The following IRAG1 variants were observed in gnomAD, a reference collection of about 807,000 sequenced individuals.
IRAG1 encodes the protein inositol 1,4,5-triphosphate receptor associated 1.
In IRAG1, 62 loss-of-function variants were observed where a neutral mutation model predicts 106.2. That is an observed-to-expected ratio of 0.58 (90% CI 0.48 to 0.72). The LOEUF (loss-of-function observed/expected upper bound fraction) is 0.72, where lower values mean the gene tolerates loss of function less well. Ranked by LOEUF, IRAG1 falls within the 30% of genes least tolerant of loss-of-function variation. IRAG1 has a pLI of 0.00. For missense variants in IRAG1, 1,064 were observed against 1,140.7 expected (o/e 0.93, Z 0.97); for synonymous variants, 462 against 443.9 (o/e 1.04, Z -0.51).
intron 18 of IRAG1, among the ~76,000 whole-genome samples, chr11:10,583,899 A>T (rs1016677659): frequency 2.0e-5 from 3 of 152,242 alleles, no homozygotes; most frequent in Non-Finnish European, 4.4e-5. Context: ...AGGCAAGGTC[A>T]TCTGCTGAGA....
chr11:10,651,884 A>T, intron 2 of IRAG1, 141 bp downstream of exon 2: 1 of 1,019,814 alleles, frequency 9.8e-7, no homozygotes, highest in African/African-American at 1.6e-5. Context: ...TATGGAAGCC[A>T]CACACCTTCT....
intron 1 of IRAG1, among the ~76,000 whole-genome samples, chr11:10,674,934 C>A (rs1473897426): frequency 2.6e-5 from 4 of 152,228 alleles, no homozygotes; most frequent in African/African-American, 9.7e-5. Flanking sequence ...GGGGGTTCAT[C>A]CCCTCATATG....
intron 16 of IRAG1, 197 bp from the exon 17 acceptor site, chr11:10,593,796 A>G: frequency 1.7e-6 from 1 of 586,390 alleles, no homozygotes; most frequent in East Asian, 2.9e-5. Flanking sequence ...TTGGTGAGTG[A>G]ACGCTCAATC....
At chr11:10,578,358 A>C (rs1167996107) in intron 20 of IRAG1, among the ~76,000 whole-genome samples, 1 of 152,244 alleles carries the variant, frequency 6.6e-6, no homozygotes, top group Non-Finnish European at 1.5e-5. Context: ...TCAATGTCAG[A>C]AGACTGTGCT....
intron 2 of IRAG1, among the ~76,000 whole-genome samples, chr11:10,646,204 G>A (rs904524499): frequency 7.2e-5 from 11 of 152,222 alleles, no homozygotes; most frequent in Admixed American, 2.0e-4. Context: ...GACTGAGGGT[G>A]TAAGCCAGGA....
In IRAG1 at chr11:10,676,813, G is replaced by A. The variant is rs578125093; in HGVS notation, c.67+16723C>T. On this transcript the variant is annotated intron_variant, in intron 1 of 20. Transcript: ENST00000423302. ...CTAATTTGAATCCGTTTCTATTCTA[G>A]GCAAACCAGAATCCTGGCAAATGCC... 8.5e-5 allele frequency among the ~76,000 whole-genome samples: 13 copies of A among 152,348 alleles called. No individual in the cohort carries two copies. In the Middle Eastern group the frequency reaches 0.014, roughly 159 times the overall value.
In IRAG1 at chr11:10,623,825, A is replaced by G; in HGVS notation, c.1400T>C (p.Val467Ala). The G allele has an allele frequency of 6.2e-7, 1 of 1,614,022 alleles. No homozygotes were observed. Residue 467 changes from valine to alanine, a missense_variant, in exon 10 of 21, where the codon GTG becomes GCG. Physicochemically the swap from Val to Ala is moderately conservative, Grantham distance 64 (BLOSUM62 0). Transcript: ENST00000423302. The part of the protein sequence containing the change: ...EHILMRNQNL[V>A]GLKLPDLSEA... ...ACTAAGGTCTGGAAGCTTGAGCCCC[A>G]CTAAGTTCTGATTTCTCATCAGGAT... is the stretch of plus-strand genomic sequence containing the variant.
intron 1 of IRAG1, among the ~76,000 whole-genome samples, chr11:10,670,725 C>G (rs538645646): frequency 6.6e-6 from 1 of 152,134 alleles, no homozygotes; most frequent in East Asian, 1.9e-4. Context: ...AGAATAGACC[C>G]TAATCCAATC....
At chr11:10,617,518 T>C (rs1323824655) in intron 10 of IRAG1, among the ~76,000 whole-genome samples, 2 of 152,188 alleles carry the variant, frequency 1.3e-5, no homozygotes, top group Non-Finnish European at 2.9e-5. Flanking sequence ...TATTATGAAA[T>C]GCATTTTCTG....
At chr11:10,586,389 A>C (rs925083623) in intron 18 of IRAG1, among the ~76,000 whole-genome samples, 1 of 146,064 alleles carries the variant, frequency 6.8e-6, no homozygotes, top group African/African-American at 2.5e-5. Context: ...CCCCTCCCCC[A>C]CACCCTCTGG....
chr11:10,680,003 G>A (rs1016930574), intron 1 of IRAG1, among the ~76,000 whole-genome samples: 55 of 152,200 alleles, frequency 3.6e-4, no homozygotes, highest in Middle Eastern at 6.8e-3. Flanking sequence ...GCCAGGCACA[G>A]TGGCTCGCAC....
At chr11:10,670,771 G>A (rs950886650) in intron 1 of IRAG1, among the ~76,000 whole-genome samples, 1 of 152,182 alleles carries the variant, frequency 6.6e-6, no homozygotes, top group African/African-American at 2.4e-5. Flanking sequence ...AAATTTGGAT[G>A]TAGAGGCACC....
intron 2 of IRAG1, among the ~76,000 whole-genome samples, chr11:10,646,653 C>G (rs1262188445): frequency 6.6e-6 from 1 of 152,132 alleles, no homozygotes; most frequent in African/African-American, 2.4e-5. Flanking sequence ...GGGAGGGGTG[C>G]AGATGCCACT....
intron 16 of IRAG1, 23 bp from the exon 17 acceptor site, chr11:10,593,622 G>A (rs772992492): frequency 1.9e-6 from 3 of 1,571,358 alleles, no homozygotes; most frequent in African/African-American, 1.4e-5. Context: ...AAGTGACCAG[G>A]CTCACTGTCT....
chr11:10,632,716 C>T (rs1406971649), intron 3 of IRAG1, among the ~76,000 whole-genome samples: 1 of 152,228 alleles, frequency 6.6e-6, no homozygotes, highest in Non-Finnish European at 1.5e-5. Context: ...GTGACTTTGA[C>T]TTACTATTTC....
In IRAG1 at chr11:10,593,678, C is replaced by T. The variant is rs1316893608; in HGVS notation, c.2068-79G>A. 3 of 1,076,110 alleles carry T rather than the reference C, an allele frequency of 2.8e-6. No homozygotes were observed. In the African/African-American group the frequency reaches 4.7e-5, roughly 17 times the overall value. The allele number at this position is 1,076,110 out of a possible 1,614,324, so 66.7% of individuals were successfully genotyped here. A position where few individuals can be genotyped will look rare whatever the true frequency, so the allele number is the denominator to read the frequency against. On this transcript the variant is annotated intron_variant, in intron 16 of 20. Transcript: ENST00000423302. Reference sequence around the variant, plus strand: ...GTTCAGAAGGGCTGGGAAAAAGCCTCCTCATTTCTAATGCTGTAATGGCAT... The same window carrying T: ...GTTCAGAAGGGCTGGGAAAAAGCCTTCTCATTTCTAATGCTGTAATGGCAT...
chr11:10,602,864 A>T (rs1271035069), intron 14 of IRAG1, among the ~76,000 whole-genome samples: 1 of 152,222 alleles, frequency 6.6e-6, no homozygotes, highest in Non-Finnish European at 1.5e-5. Flanking sequence ...AATGTGTTAG[A>T]AATTTCCAAG....
At chr11:10,593,992 G>A (rs1026916780) in intron 16 of IRAG1, 154 bp downstream of exon 16, 3 of 688,956 alleles carry the variant, frequency 4.4e-6, no homozygotes, top group Non-Finnish European at 7.4e-6. Flanking sequence ...TAAGATGTCA[G>A]AGGCTAAACT....
At chr11:10,618,543 A>G (rs1382014777) in intron 10 of IRAG1, among the ~76,000 whole-genome samples, 1 of 152,228 alleles carries the variant, frequency 6.6e-6, no homozygotes, top group Non-Finnish European at 1.5e-5. Flanking sequence ...TCAGAGAAAC[A>G]TCCAAACAAT....
Sources: gnomAD v4.1 joint callset for allele counts (sites outside exome capture counted in the v4.1 genomes callset) on GRCh38, gnomAD v4.1.1 for gene constraint, MANE v1.5 for transcripts, NCBI Gene and HGNC (gene_info 2026-07-23, HGNC 2026-07-21) for gene names.